MLLT1: variants seen among roughly 807,000 people sequenced by gnomAD.
MLLT1 encodes protein ENL.
In MLLT1, 11 loss-of-function variants were observed where a neutral mutation model predicts 55.1. That is an observed-to-expected ratio of 0.20 (90% CI 0.13 to 0.33). The LOEUF is 0.33. Among genes scored for constraint, MLLT1 ranks in the 10% least tolerant of loss-of-function variants. The pLI is 1.00. For synonymous variants in MLLT1, 323 were observed against 320.1 expected, an observed-to-expected ratio of 1.01 and a Z score of -0.10; for missense variants, 536 against 760.6, an observed-to-expected ratio of 0.70 and a Z score of 3.47.
chr19:6,264,081 C>T (rs2144945361), intron 2 of MLLT1, among the ~76,000 whole-genome samples: 1 of 152,204 alleles, frequency 6.6e-6, no homozygotes, highest in South Asian at 2.1e-4. Flanking sequence ...ACTGAAAACG[C>T]TAACTGTACA....
At chr19:6,234,977 C>A (rs1310794018) in intron 3 of MLLT1, among the ~76,000 whole-genome samples, 1 of 151,790 alleles carries the variant, frequency 6.6e-6, no homozygotes, top group Non-Finnish European at 1.5e-5. Context: ...ATTAATATAA[C>A]CAAGTAACAT....
At position 6,240,413 on chromosome 19, in the gene MLLT1, G is replaced by A. The variant is rs1029928829; in HGVS notation, c.277-9700C>T. On this transcript the variant is annotated intron_variant, in intron 3 of 11. Coordinates refer to ENST00000252674, the MANE Select transcript of MLLT1 (RefSeq NM_005934.4). This position sits in a 1 kb window ranked among gnomAD's most constrained non-coding sequence, Gnocchi z 4.7. ...CACTGGAAGGAGCTCGACAGACACA[G>A]CAGGTGACGCAGAGGGCGGGCTCCA... 2.6e-5 allele frequency among the ~76,000 whole-genome samples: 4 copies of A among 152,262 alleles called. No homozygotes were observed. The highest frequency in any genetic ancestry group is 6.5e-5 in the Admixed American group (1 of 15,286).
intron 2 of MLLT1, among the ~76,000 whole-genome samples, chr19:6,267,834 C>A (rs952060408): frequency 4.6e-5 from 7 of 152,130 alleles, no homozygotes; most frequent in Non-Finnish European, 8.8e-5. Flanking sequence ...GCAGCAGGGT[C>A]AAAAAGAGAC....
chr19:6,222,607 G>C lies in MLLT1; in HGVS notation c.624C>G (p.Asp208Glu), dbSNP rs201829142. Residue 208 changes from aspartate (D) to glutamate (E), a missense_variant, in exon 6 of 12, where the codon GAC becomes GAG. Coordinates refer to ENST00000252674, the MANE Select transcript of MLLT1 (RefSeq NM_005934.4). This position sits in a 1 kb window ranked among gnomAD's most constrained non-coding sequence, Gnocchi z 4.1. The part of the protein sequence containing the change: ...TKEHRERPRK[D>E]SESKSSSKEL... ...CCTTGGAGGAGCTCTTGCTCTCGGA[G>C]TCTTTGCGGGGCCGCTCCCGGTGCT... 6.3e-7 allele frequency: 1 copy of C among 1,596,958 alleles called. No homozygotes were observed. Among genetic ancestry groups the C allele is most frequent in the Admixed American group, 1.7e-5 (1 of 59,680 alleles).
At chr19:6,215,917 C>T (rs911465028) in intron 8 of MLLT1, among the ~76,000 whole-genome samples, 7 of 152,256 alleles carry the variant, frequency 4.6e-5, no homozygotes, top group Middle Eastern at 3.4e-3. Flanking sequence ...CACCCCTGTG[C>T]CTCCTGGGGA....
chr19:6,228,307 G>A (rs911535915), intron 4 of MLLT1, among the ~76,000 whole-genome samples: 2 of 152,190 alleles, frequency 1.3e-5, no homozygotes, highest in Non-Finnish European at 2.9e-5. Flanking sequence ...GACTCTCATG[G>A]TAATTTACCT....
chr19:6,252,559 G>A (rs191097400), intron 3 of MLLT1, among the ~76,000 whole-genome samples: 6 of 152,224 alleles, frequency 3.9e-5, no homozygotes, highest in South Asian at 4.1e-4. Flanking sequence ...ACAATATATC[G>A]AAACATATGG....
intron 3 of MLLT1, among the ~76,000 whole-genome samples, chr19:6,244,134 A>G (rs1431617977): frequency 6.6e-6 from 1 of 151,254 alleles, no homozygotes; most frequent in Non-Finnish European, 1.5e-5. Context: ...ACACACTCAT[A>G]GCACCCAGCC....
chr19:6,249,569 C>A (rs1289808033), intron 3 of MLLT1, among the ~76,000 whole-genome samples: 1 of 152,224 alleles, frequency 6.6e-6, no homozygotes, highest in Non-Finnish European at 1.5e-5. Flanking sequence ...TCAGCCGCAG[C>A]ATGCAGAAGC....
chr19:6,248,625 T>C (rs914452636), intron 3 of MLLT1, among the ~76,000 whole-genome samples: 2 of 152,302 alleles, frequency 1.3e-5, no homozygotes, highest in Admixed American at 1.3e-4. Context: ...AATACCCCAC[T>C]AGCACATTTC....
In MLLT1 at chr19:6,212,567, G is replaced by A. The variant is rs1274436059; in HGVS notation, c.*475C>T. On this transcript the variant is annotated 3_prime_UTR_variant, in exon 12 of 12. Coordinates refer to ENST00000252674, the MANE Select transcript of MLLT1 (RefSeq NM_005934.4). ...GAGCCGGCGCTAGGTCTACACGGAG[G>A]ACGACGCAGACACACAGGCAGGGCC... The A allele has an allele frequency of 1.8e-6, 2 of 1,088,042 alleles. No individual in the cohort carries two copies. The highest frequency in any genetic ancestry group is 4.9e-5 in the East Asian group (1 of 20,534). The allele number at this position is 1,088,042 out of a possible 1,614,324, so 67.4% of individuals were successfully genotyped here. A position where few individuals can be genotyped will look rare whatever the true frequency, so the allele number is the denominator to read the frequency against.
In MLLT1 at chr19:6,247,678, A is replaced by G. The variant is rs557618206; in HGVS notation, c.276+14550T>C. Among the ~76,000 whole-genome samples the G allele has an allele frequency of 2.0e-5, 3 of 152,342 alleles. No individual in the cohort carries two copies. In the East Asian group the frequency reaches 5.8e-4, roughly 29 times the overall value. On this transcript the variant is annotated intron_variant, in intron 3 of 11. Coordinates refer to ENST00000252674, the MANE Select transcript of MLLT1 (RefSeq NM_005934.4). ...AAATTAGTGGGTGGTACTATGGGTT[A>G]AGTAGCCCTCATCCAAAATGCTTGG...
At chr19:6,241,140 C>T (rs542477511) in intron 3 of MLLT1, among the ~76,000 whole-genome samples, 28 of 152,210 alleles carry the variant, frequency 1.8e-4, no homozygotes, top group Non-Finnish European at 3.8e-4. Flanking sequence ...CTGAGACCTG[C>T]GAGTGGTCAG....
intron 1 of MLLT1, among the ~76,000 whole-genome samples, chr19:6,278,894 T>G (rs1423042877): frequency 2.0e-5 from 3 of 151,612 alleles, no homozygotes; most frequent in Non-Finnish European, 4.4e-5. Flanking sequence ...GCAGGGTGGG[T>G]CAAAGAAAGA....
intron 6 of MLLT1, among the ~76,000 whole-genome samples, chr19:6,218,892 T>C (rs2090870594): frequency 6.6e-6 from 1 of 152,044 alleles, no homozygotes; most frequent in Non-Finnish European, 1.5e-5. Flanking sequence ...GGCAGCCCCC[T>C]CACCTTGGGG....
chr19:6,213,699 C>G, intron 10 of MLLT1, 27 bp downstream of exon 10: 1 of 1,587,086 alleles, frequency 6.3e-7, no homozygotes. Flanking sequence ...CCGTAGCCTC[C>G]CCGCCTTGTC....
rs2144901172 is a variant in MLLT1, at chr19:6,242,283, G to A, written c.277-11570C>T. Among the ~76,000 whole-genome samples the A allele has an allele frequency of 1.3e-5, 2 of 152,288 alleles. 1 individual carries two copies. The highest frequency in any genetic ancestry group is 3.9e-4 in the East Asian group (2 of 5,176). ...GCTTGGTGTCCTTGGAACCTCCCCT[G>A]TCATGTGCGACTGCCTAGGGCCCCC... On this transcript the variant is annotated intron_variant, in intron 3 of 11. Coordinates refer to ENST00000252674, the MANE Select transcript of MLLT1 (RefSeq NM_005934.4).
At chr19:6,249,308 T>A (rs1466323919) in intron 3 of MLLT1, among the ~76,000 whole-genome samples, 3 of 151,498 alleles carry the variant, frequency 2.0e-5, no homozygotes, top group South Asian at 2.1e-4. Context: ...TAATAATAAT[T>A]AAGATTTCTA....
chr19:6,246,605 T>A (rs1019296204), intron 3 of MLLT1, among the ~76,000 whole-genome samples: 2 of 150,790 alleles, frequency 1.3e-5, no homozygotes, highest in East Asian at 3.9e-4. Context: ...GGCAAACAGA[T>A]GAGCGGTTGT....
Sources: gnomAD v4.1 joint callset for allele counts (sites outside exome capture counted in the v4.1 genomes callset) on GRCh38, gnomAD v4.1.1 for gene constraint, Gnocchi (gnomAD v3.1) non-coding constraint, MANE v1.5 for transcripts, NCBI Gene and HGNC (gene_info 2026-07-23, HGNC 2026-07-21) for gene names.